Variants in DPYSL3 observed in about 807,000 individuals in gnomAD.
DPYSL3 encodes dihydropyrimidinase like 3, also known as dihydropyrimidinase-related protein 3.
DPYSL3 carries 16 observed loss-of-function variants against 66.1 expected under a neutral mutation model. That is an observed-to-expected ratio of 0.24 (90% CI 0.16 to 0.37). The LOEUF (loss-of-function observed/expected upper bound fraction) is 0.37. DPYSL3 is among the 10% of genes least tolerant of loss of function. DPYSL3 has a pLI of 1.00. For synonymous variants in DPYSL3, 338 were observed against 345.1 expected (o/e 0.98, Z 0.23); for missense variants, 738 against 916.2 (o/e 0.81, Z 2.51).
At chr5:147,505,104 C>T (rs547983441) in intron 1 of DPYSL3, among the ~76,000 whole-genome samples, 22 of 152,074 alleles carry the variant, frequency 1.4e-4, no homozygotes, top group East Asian at 3.9e-4. Flanking sequence ...ACATGAATGC[C>T]GAGGATTTTA....
At chr5:147,437,626 A>G (rs1752436288) in intron 1 of DPYSL3, among the ~76,000 whole-genome samples, 1 of 152,200 alleles carries the variant, frequency 6.6e-6, no homozygotes, top group African/African-American at 2.4e-5. Flanking sequence ...AATTGTCTCA[A>G]AGACCACAGA....
chr5:147,449,468 C>T (rs1016795763), intron 1 of DPYSL3, among the ~76,000 whole-genome samples: 13 of 152,214 alleles, frequency 8.5e-5, no homozygotes, highest in African/African-American at 2.9e-4. Flanking sequence ...GAAATCCAAT[C>T]AGTGGTTGGA....
intron 1 of DPYSL3, chr5:147,472,921 T>A (rs1242151109): frequency 6.6e-6 from 1 of 152,186 alleles, no homozygotes; most frequent in Non-Finnish European, 1.5e-5. Flanking sequence ...CTGAAGCTCA[T>A]CTCTGCAACA....
chr5:147,483,368 C>T (rs1287768096), intron 1 of DPYSL3, among the ~76,000 whole-genome samples: 2 of 152,150 alleles, frequency 1.3e-5, no homozygotes, highest in Non-Finnish European at 2.9e-5. Context: ...GACAATGGCC[C>T]CGGCTAATGT....
rs556581334 is a variant in DPYSL3 at position 147,506,136 on chromosome 5, T to C, written c.381+3342A>G. ...GTGATACTATCAAATCAACAAATGG[T>C]ACAAAGCTGGCAGTAGGAGTGCTGT... On this transcript the variant is annotated intron_variant, in intron 1 of 13. Coordinates refer to ENST00000343218, the MANE Select transcript of DPYSL3 (RefSeq NM_001197294.2). Among the ~76,000 whole-genome samples the C allele has an allele frequency of 6.6e-5, 10 of 152,300 alleles. No individual in the cohort carries two copies. The East Asian group carries it at 1.2e-3, about 18-fold the overall frequency.
chr5:147,401,644 G>A lies in DPYSL3; in HGVS notation c.1206C>T (p.Thr402=). 6.2e-7 allele frequency: 1 copy of A among 1,614,120 alleles called. No individual in the cohort carries two copies. The highest frequency in any genetic ancestry group is 8.5e-7 in the Non-Finnish European group (1 of 1,180,026). ...PITASLGIDG[T]HYWSKNWAKA... ...TGGCCCAGTTCTTGCTCCAATAATGGGTTCCATCTATGCCGAGGCTGGCAG... is the reference window on the plus strand; with the variant it reads ...TGGCCCAGTTCTTGCTCCAATAATGAGTTCCATCTATGCCGAGGCTGGCAG... The change falls in exon 9 of 14, where the codon ACC becomes ACT. Residue 402 remains threonine, a synonymous_variant. Transcript: ENST00000343218.
chr5:147,469,056 G>A (rs1414200321), intron 1 of DPYSL3, among the ~76,000 whole-genome samples: 2 of 152,180 alleles, frequency 1.3e-5, no homozygotes, highest in African/African-American at 4.8e-5. Flanking sequence ...GCCACCACCA[G>A]GGACAGAATG....
At chr5:147,474,735 A>C in intron 1 of DPYSL3, among the ~76,000 whole-genome samples, 1 of 152,214 alleles carries the variant, frequency 6.6e-6, no homozygotes, top group East Asian at 1.9e-4. Flanking sequence ...TTTTTGTAAT[A>C]TAATTAGATC....
At chr5:147,480,036 T>C (rs1253957270) in intron 1 of DPYSL3, among the ~76,000 whole-genome samples, 1 of 152,184 alleles carries the variant, frequency 6.6e-6, no homozygotes, top group African/African-American at 2.4e-5. Context: ...CTTTATACTC[T>C]TTGATTTCTA....
intron 6 of DPYSL3, among the ~76,000 whole-genome samples, chr5:147,409,399 T>C (rs934393113): frequency 5.9e-5 from 9 of 152,204 alleles, no homozygotes; most frequent in African/African-American, 1.9e-4. Context: ...AAATGCATAT[T>C]TTAATAAGCC....
intron 7 of DPYSL3, among the ~76,000 whole-genome samples, chr5:147,407,828 G>A (rs1181018104): frequency 6.6e-6 from 1 of 152,074 alleles, no homozygotes. Context: ...AGTTTCTGAG[G>A]TGCTGATAAT....
chr5:147,396,078 T>A (rs558706030), intron 12 of DPYSL3, among the ~76,000 whole-genome samples: 1 of 151,584 alleles, frequency 6.6e-6, no homozygotes, highest in Admixed American at 6.6e-5. Flanking sequence ...ACAGCTGAAG[T>A]GGGAGTGATT....
intron 1 of DPYSL3, among the ~76,000 whole-genome samples, chr5:147,484,712 A>G (rs1239226615): frequency 6.6e-6 from 1 of 152,222 alleles, no homozygotes; most frequent in Non-Finnish European, 1.5e-5. Flanking sequence ...ATCGAGGCAT[A>G]TAACTCAGAT....
chr5:147,496,709 C>T (rs1308392004), intron 1 of DPYSL3, among the ~76,000 whole-genome samples: 5 of 152,098 alleles, frequency 3.3e-5, no homozygotes, highest in African/African-American at 4.8e-5. Context: ...GATACCATCT[C>T]ACACCAGTTA....
At chr5:147,474,935 T>A (rs1428229378) in intron 1 of DPYSL3, among the ~76,000 whole-genome samples, 1 of 152,056 alleles carries the variant, frequency 6.6e-6, no homozygotes, top group Admixed American at 6.5e-5. Context: ...TGGATTTTCA[T>A]AGATTAGGTT....
At chr5:147,417,955 C>A (rs572666692) in intron 3 of DPYSL3, among the ~76,000 whole-genome samples, 17 of 152,190 alleles carry the variant, frequency 1.1e-4, no homozygotes, top group African/African-American at 3.9e-4. Context: ...ATTTTGAAAA[C>A]CTCCACCAGA....
At chr5:147,432,764 T>C (rs1752338269) in intron 1 of DPYSL3, among the ~76,000 whole-genome samples, 1 of 152,194 alleles carries the variant, frequency 6.6e-6, no homozygotes. Flanking sequence ...TGTTATTTGC[T>C]TAATATTATC....
At chr5:147,411,539 G>A (rs765674260) in intron 6 of DPYSL3, among the ~76,000 whole-genome samples, 12 of 152,200 alleles carry the variant, frequency 7.9e-5, no homozygotes, top group Non-Finnish European at 1.3e-4. Context: ...AGCCTGGATG[G>A]TCTCATGTAT....
At chr5:147,416,268 C>T (rs1751966210) in intron 3 of DPYSL3, among the ~76,000 whole-genome samples, 1 of 152,054 alleles carries the variant, frequency 6.6e-6, no homozygotes, top group South Asian at 2.1e-4. Context: ...TACTATGTGT[C>T]ATTATTACTA....
Sources: allele counts gnomAD v4.1 joint callset (sites outside exome capture counted in the v4.1 genomes callset), GRCh38; gene constraint gnomAD v4.1.1; transcripts MANE v1.5; gene names NCBI Gene and HGNC (gene_info 2026-07-23, HGNC 2026-07-21).